Variants in AK5 observed in about 807,000 individuals in gnomAD.
The protein encoded by AK5 is adenylate kinase isoenzyme 5.
In AK5, 27 loss-of-function variants were observed where a neutral mutation model predicts 69.5. The observed-to-expected ratio is 0.39, with a 90% confidence interval of 0.29 to 0.54. The LOEUF (loss-of-function observed/expected upper bound fraction) is 0.54, where lower values mean the gene tolerates loss of function less well. Among genes scored for constraint, AK5 ranks in the 20% least tolerant of loss-of-function variants. AK5 has a pLI of 0.71. For missense variants in AK5, 531 were observed against 700.4 expected (o/e 0.76, Z 2.73); for synonymous variants, 260 against 244.4 (o/e 1.06, Z -0.60).
At chr1:77,444,031 A>C (rs1477795223) in intron 8 of AK5, among the ~76,000 whole-genome samples, 1 of 150,450 alleles carries the variant, frequency 6.6e-6, no homozygotes, top group Non-Finnish European at 1.5e-5. Flanking sequence ...TTGTACATTA[A>C]ATCTTTTCAC....
chr1:77,503,051 C>A (rs61778702), intron 10 of AK5, among the ~76,000 whole-genome samples: 4,631 of 152,276 alleles, frequency 0.03, 66 homozygotes, highest in Middle Eastern at 0.078. Context: ...CCTAAGACTG[C>A]GTCAAAACCT....
chr1:77,554,231 T>A (rs745630806), intron 13 of AK5, among the ~76,000 whole-genome samples: 1 of 152,122 alleles, frequency 6.6e-6, no homozygotes, highest in Admixed American at 6.5e-5. Context: ...AAAATCTATG[T>A]GCTTTCAGAT....
At chr1:77,440,052 G>A (rs139444486) in intron 8 of AK5, among the ~76,000 whole-genome samples, 152 of 151,926 alleles carry the variant, frequency 1.0e-3, no homozygotes, top group African/African-American at 3.6e-3. Flanking sequence ...TTTCTCTTTG[G>A]TGTATCTATT....
At chr1:77,302,298 C>A (rs1319249285) in intron 5 of AK5, among the ~76,000 whole-genome samples, 3 of 152,060 alleles carry the variant, frequency 2.0e-5, no homozygotes, top group Non-Finnish European at 4.4e-5. Context: ...GATTTCCTCT[C>A]AAAAAGAGGA....
intron 8 of AK5, among the ~76,000 whole-genome samples, chr1:77,450,284 T>C (rs1653064146): frequency 6.6e-6 from 1 of 152,200 alleles, no homozygotes; most frequent in African/African-American, 2.4e-5. Flanking sequence ...TTCCAACCTC[T>C]GCCTGTTACC....
rs1654443440 is a variant in AK5, at chr1:77,470,856, TATATA to T, written c.1060-12460_1060-12456del. On this transcript the variant is annotated intron_variant, in intron 8 of 13. Transcript: ENST00000354567. ...ATATATATATATATATATATATATA[TATATA>T]TATATATATATATATTTTTTTTTTT... Among the ~76,000 whole-genome samples, 4 of 20,414 alleles carry T rather than the reference TATATA, an allele frequency of 2.0e-4. 2 individuals carry two copies. The highest frequency in any genetic ancestry group is 9.3e-4 in the African/African-American group (4 of 4,294). 13.4% of individuals were successfully genotyped at this position (20,414 alleles called of 152,430 possible).
chr1:77,283,113 T>A (rs1658155067), intron 1 of AK5: 1 of 985,646 alleles, frequency 1.0e-6, no homozygotes, highest in African/African-American at 1.7e-5. Context: ...CACAGCATCA[T>A]CTGCACCGGG....
chr1:77,367,345 T>A (rs1646968802), intron 6 of AK5, among the ~76,000 whole-genome samples: 1 of 150,696 alleles, frequency 6.6e-6, no homozygotes, highest in Non-Finnish European at 1.5e-5. Context: ...TTTTTGTTTT[T>A]TGAGACAGGA....
chr1:77,522,197 C>T (rs1658028676), intron 12 of AK5, among the ~76,000 whole-genome samples: 1 of 152,196 alleles, frequency 6.6e-6, no homozygotes. Context: ...CTCTCTCTCT[C>T]TCTAATTCTC....
At chr1:77,296,987 A>G (rs761758100) in intron 3 of AK5, among the ~76,000 whole-genome samples, 1 of 152,138 alleles carries the variant, frequency 6.6e-6, no homozygotes, top group Non-Finnish European at 1.5e-5. Flanking sequence ...ATTCTGTTCC[A>G]TTGGTCTATA....
chr1:77,428,402 A>G (rs1200866567), intron 8 of AK5, among the ~76,000 whole-genome samples: 1 of 152,194 alleles, frequency 6.6e-6, no homozygotes, highest in East Asian at 1.9e-4. Flanking sequence ...AGCTATCCAG[A>G]GGAACAAATG....
chr1:77,313,895 G>T (rs770302044), intron 5 of AK5: 2 of 530,510 alleles, frequency 3.8e-6, no homozygotes, highest in South Asian at 2.8e-5. Context: ...TCTCCCTAAA[G>T]ACACAGCCTG....
intron 6 of AK5, among the ~76,000 whole-genome samples, chr1:77,404,907 G>T (rs1649515041): frequency 6.6e-6 from 1 of 152,098 alleles, no homozygotes; most frequent in Admixed American, 6.6e-5. Context: ...TTTTCCTCTT[G>T]AATTGGACAA....
chr1:77,550,006 G>C (rs1001917027), intron 13 of AK5, among the ~76,000 whole-genome samples: 1 of 151,948 alleles, frequency 6.6e-6, no homozygotes, highest in African/African-American at 2.4e-5. Context: ...GCCCAGGCTG[G>C]AGTGAGTGCA....
intron 10 of AK5, among the ~76,000 whole-genome samples, chr1:77,494,657 T>C (rs542952760): frequency 2.0e-5 from 3 of 152,164 alleles, no homozygotes; most frequent in Non-Finnish European, 4.4e-5. Context: ...TGAAGGCAAT[T>C]AAATAAGTCA....
At chr1:77,554,771 A>ATTTTTTTTTTT (rs1230738530) in intron 13 of AK5, among the ~76,000 whole-genome samples, 10 of 119,648 alleles carry the variant, frequency 8.4e-5, no homozygotes, top group African/African-American at 1.3e-4. Flanking sequence ...ATGCCCGGCT[A>ATTTTTTTTTTT]TTTTTTTTTT....
At chr1:77,419,230 T>C (rs1256998131) in intron 8 of AK5, among the ~76,000 whole-genome samples, 1 of 152,098 alleles carries the variant, frequency 6.6e-6, no homozygotes, top group Non-Finnish European at 1.5e-5. Context: ...CAAAGACAGG[T>C]CATTCAATGA....
intron 2 of AK5, among the ~76,000 whole-genome samples, chr1:77,288,348 G>A (rs1467774022): frequency 6.6e-6 from 1 of 152,116 alleles, no homozygotes; most frequent in Admixed American, 6.5e-5. Flanking sequence ...TTCTGTTCTA[G>A]TGGCCAAAAT....
chr1:77,533,784 A>G (rs1353332836), intron 12 of AK5, among the ~76,000 whole-genome samples: 1 of 152,060 alleles, frequency 6.6e-6, no homozygotes, highest in African/African-American at 2.4e-5. Flanking sequence ...TGGCCTGAAA[A>G]TAACCCCACA....
Sources: allele counts gnomAD v4.1 joint callset (sites outside exome capture counted in the v4.1 genomes callset), GRCh38; gene constraint gnomAD v4.1.1; transcripts MANE v1.5; gene names NCBI Gene and HGNC (gene_info 2026-07-23, HGNC 2026-07-21).